SPOCK1: variants seen among roughly 807,000 people sequenced by gnomAD.
The protein encoded by SPOCK1 is testican-1.
Under a neutral mutation model 55.3 loss-of-function variants are expected in SPOCK1, and 23 were observed. That is an observed-to-expected ratio of 0.42 (90% CI 0.30 to 0.59). The LOEUF (loss-of-function observed/expected upper bound fraction) is 0.59, where lower values mean the gene tolerates loss of function less well. Ranked by LOEUF, SPOCK1 falls within the 20% of genes least tolerant of loss-of-function variation. SPOCK1 has a pLI of 0.22. For synonymous variants in SPOCK1, 226 were observed against 221.0 expected, an observed-to-expected ratio of 1.02 and a Z score of -0.20; for missense variants, 499 against 552.5, an observed-to-expected ratio of 0.90 and a Z score of 0.97.
At chr5:137,187,676 C>G (rs1156743868) in intron 3 of SPOCK1, among the ~76,000 whole-genome samples, 3 of 152,156 alleles carry the variant, frequency 2.0e-5, no homozygotes, top group African/African-American at 7.2e-5. Context: ...TACGCTCACT[C>G]TAGGCATGCT....
chr5:137,058,757 C>T lies in SPOCK1; in HGVS notation c.589+8958G>A, dbSNP rs139456749. Among the ~76,000 whole-genome samples the T allele has an allele frequency of 5.3e-5, 8 of 152,200 alleles. No homozygotes were observed. In the East Asian group the frequency reaches 5.8e-4, roughly 11 times the overall value. ...TGCAAAGATTTAAAGAGGTGGTTGA[C>T]GGAGTGGCCCCATGGATGTCTGGGG... On this transcript the variant is annotated intron_variant, in intron 6 of 10. Coordinates refer to ENST00000394945, the MANE Select transcript of SPOCK1 (RefSeq NM_004598.4).
At chr5:137,354,347 CA>C (rs1750744688) in intron 2 of SPOCK1, among the ~76,000 whole-genome samples, 1 of 152,150 alleles carries the variant, frequency 6.6e-6, no homozygotes, top group African/African-American at 2.4e-5. Context: ...GTCCTCACCC[CA>C]CTCCTCAAGA....
At chr5:137,087,537 C>T (rs1580743756) in intron 5 of SPOCK1, among the ~76,000 whole-genome samples, 2 of 152,352 alleles carry the variant, frequency 1.3e-5, no homozygotes, top group Admixed American at 6.5e-5. Context: ...AGAGCTACCT[C>T]CACGAGGTCT....
At chr5:137,150,450 G>A (rs2127057689) in intron 3 of SPOCK1, among the ~76,000 whole-genome samples, 1 of 152,262 alleles carries the variant, frequency 6.6e-6, no homozygotes, top group African/African-American at 2.4e-5. Context: ...TTTTGTTTTA[G>A]GAGAAGCTCT....
intron 3 of SPOCK1, among the ~76,000 whole-genome samples, chr5:137,261,955 T>A (rs1171277863): frequency 6.6e-6 from 1 of 152,202 alleles, no homozygotes; most frequent in African/African-American, 2.4e-5. Context: ...GTAATCAGAA[T>A]TTTATTCTAA....
At chr5:137,412,202 A>G (rs1752221609) in intron 2 of SPOCK1, among the ~76,000 whole-genome samples, 1 of 152,088 alleles carries the variant, frequency 6.6e-6, no homozygotes, top group Admixed American at 6.5e-5. Flanking sequence ...CAAAATCTCT[A>G]ATTTGTCAGA....
chr5:137,427,903 C>T (rs1049588925), intron 2 of SPOCK1, among the ~76,000 whole-genome samples: 7 of 132,884 alleles, frequency 5.3e-5, no homozygotes, highest in South Asian at 5.0e-4. Context: ...AGCAAGACTC[C>T]GTCTAAAAAA....
At chr5:137,028,829 A>T (rs1415911783) in intron 6 of SPOCK1, among the ~76,000 whole-genome samples, 1 of 152,166 alleles carries the variant, frequency 6.6e-6, no homozygotes, top group Non-Finnish European at 1.5e-5. Context: ...AGGAAAAAAG[A>T]AAAAAGTGGT....
chr5:137,263,244 C>T lies in SPOCK1; in HGVS notation c.232+3766G>A, dbSNP rs115568603. Among the ~76,000 whole-genome samples, 936 of 152,206 alleles carry T rather than the reference C, an allele frequency of 6.1e-3. 7 individuals are homozygous for T. Among genetic ancestry groups the T allele is most frequent in the African/African-American group, 0.021 (889 of 41,542 alleles). ...TTAAATGGGTTTCTTTACTGAAAGA[C>T]GCCTCAGAGTTTTTTAAGTTGATAA... is the stretch of plus-strand genomic sequence containing the variant. On this transcript the variant is annotated intron_variant, in intron 3 of 10. Transcript: ENST00000394945.
chr5:137,106,251 T>C (rs1324278601), intron 5 of SPOCK1, among the ~76,000 whole-genome samples: 4 of 151,896 alleles, frequency 2.6e-5, no homozygotes, highest in African/African-American at 4.8e-5. Context: ...TCCTCCAGAG[T>C]GAGAAAGCCT....
chr5:137,039,024 T>C (rs1751938235), intron 6 of SPOCK1, among the ~76,000 whole-genome samples: 1 of 152,136 alleles, frequency 6.6e-6, no homozygotes, highest in Non-Finnish European at 1.5e-5. Flanking sequence ...AATAACAGTG[T>C]AGATGATGAT....
At chr5:137,102,181 G>A (rs577931508) in intron 5 of SPOCK1, among the ~76,000 whole-genome samples, 12 of 152,068 alleles carry the variant, frequency 7.9e-5, no homozygotes, top group South Asian at 2.1e-4. Flanking sequence ...TATTCATAGC[G>A]AAGGTTGGGA....
intron 3 of SPOCK1, among the ~76,000 whole-genome samples, chr5:137,239,442 A>G (rs1020255704): frequency 1.3e-5 from 2 of 152,224 alleles, no homozygotes; most frequent in African/African-American, 4.8e-5. Flanking sequence ...GTGACCCATT[A>G]TAGCAACATA....
intron 2 of SPOCK1, among the ~76,000 whole-genome samples, chr5:137,445,193 G>A (rs1032869641): frequency 9.2e-5 from 14 of 151,978 alleles, no homozygotes; most frequent in African/African-American, 2.7e-4. Flanking sequence ...CTTCTTCCTG[G>A]GTATGCTATT....
intron 3 of SPOCK1, among the ~76,000 whole-genome samples, chr5:137,194,129 T>C (rs1755248504): frequency 6.6e-6 from 1 of 152,186 alleles, no homozygotes; most frequent in Non-Finnish European, 1.5e-5. Flanking sequence ...AAGCATTTAA[T>C]TGCTTATTTA....
intron 2 of SPOCK1, among the ~76,000 whole-genome samples, chr5:137,429,261 C>T (rs1339069467): frequency 6.6e-6 from 1 of 152,172 alleles, no homozygotes; most frequent in Non-Finnish European, 1.5e-5. Flanking sequence ...GATCACATAT[C>T]CCGCAAAACA....
intron 6 of SPOCK1, among the ~76,000 whole-genome samples, chr5:137,025,035 A>G (rs1751645722): frequency 6.6e-6 from 1 of 152,224 alleles, no homozygotes; most frequent in Non-Finnish European, 1.5e-5. Context: ...GATTCCACTT[A>G]TATGAGGTAT....
intron 2 of SPOCK1, among the ~76,000 whole-genome samples, chr5:137,327,128 G>A (rs1053246184): frequency 1.3e-5 from 2 of 152,186 alleles, no homozygotes; most frequent in African/African-American, 4.8e-5. Flanking sequence ...CACACTCCGA[G>A]TCCGATTGAT....
chr5:137,480,682 C>T (rs1160464688), intron 2 of SPOCK1, among the ~76,000 whole-genome samples: 1 of 152,164 alleles, frequency 6.6e-6, no homozygotes, highest in South Asian at 2.1e-4. Flanking sequence ...CTCCCCACTC[C>T]ACGTCACCCA....
Sources: gnomAD v4.1 joint callset for allele counts (sites outside exome capture counted in the v4.1 genomes callset) on GRCh38, gnomAD v4.1.1 for gene constraint, MANE v1.5 for transcripts, NCBI Gene and HGNC (gene_info 2026-07-23, HGNC 2026-07-21) for gene names.